CSMD1: variants seen among roughly 807,000 people sequenced by gnomAD.
CSMD1 encodes the protein CUB and sushi domain-containing protein 1.
A neutral mutation model predicts 417.5 loss-of-function variants in CSMD1; 213 were observed. The ratio of observed to expected loss-of-function variants is 0.51; its 90% CI spans 0.46 to 0.57. CSMD1 has a LOEUF of 0.57. Among genes scored for constraint, CSMD1 ranks in the 20% least tolerant of loss-of-function variants. The pLI, the probability that CSMD1 is intolerant of heterozygous loss-of-function variation, is 0.00. For synonymous variants in CSMD1, 2,862 were observed against 1,736.8 expected (o/e 1.65, Z -16.11); for missense variants, 6,923 against 4,529.7 (o/e 1.53, Z -15.17).
chr8:4,137,215 C>T (rs1457348274), intron 3 of CSMD1, among the ~76,000 whole-genome samples: 2 of 152,144 alleles, frequency 1.3e-5, no homozygotes, highest in African/African-American at 2.4e-5. Flanking sequence ...AAACAGTTGC[C>T]TTTAATTAAT....
At chr8:3,662,645 T>C (rs1408737264) in intron 7 of CSMD1, among the ~76,000 whole-genome samples, 1 of 152,182 alleles carries the variant, frequency 6.6e-6, no homozygotes, top group Admixed American at 6.5e-5. Context: ...GAATACACCA[T>C]TTTTTATGCA....
In CSMD1 at chr8:3,168,374, G is replaced by A. The variant is rs371491274; in HGVS notation, c.5726-6097C>T. ...TGAAAATTCCTCTTTTTCTAGATGCGCACAGGTATGGCACACCCTAACACA... is the reference window on the plus strand; with the variant it reads ...TGAAAATTCCTCTTTTTCTAGATGCACACAGGTATGGCACACCCTAACACA... On this transcript the variant is annotated intron_variant, in intron 37 of 69. Coordinates refer to ENST00000635120, the MANE Select transcript of CSMD1 (RefSeq NM_033225.6). Among the ~76,000 whole-genome samples the A allele has an allele frequency of 1.5e-4, 23 of 152,032 alleles. 1 individual carries two copies. Among genetic ancestry groups the A allele is most frequent in the African/African-American group, 3.6e-4 (15 of 41,372 alleles).
chr8:3,744,201 C>A (rs890785152), intron 6 of CSMD1, among the ~76,000 whole-genome samples: 2 of 152,104 alleles, frequency 1.3e-5, no homozygotes, highest in Non-Finnish European at 2.9e-5. Context: ...GAGTTGAGGA[C>A]AGGGATGACG....
intron 3 of CSMD1, among the ~76,000 whole-genome samples, chr8:4,044,411 T>G (rs574528680): frequency 2.6e-5 from 4 of 152,138 alleles, no homozygotes; most frequent in Non-Finnish European, 5.9e-5. Context: ...CTACTTTGTG[T>G]CATTCCAAGC....
At chr8:4,321,670 T>G (rs1021748432) in intron 3 of CSMD1, among the ~76,000 whole-genome samples, 7 of 152,210 alleles carry the variant, frequency 4.6e-5, no homozygotes, top group Admixed American at 1.3e-4. Flanking sequence ...AAAAGAGCTG[T>G]TCAACATTCC....
chr8:3,888,622 C>T (rs193302700), intron 5 of CSMD1, among the ~76,000 whole-genome samples: 1 of 152,080 alleles, frequency 6.6e-6, no homozygotes, highest in Non-Finnish European at 1.5e-5. Flanking sequence ...CTTTGTCATA[C>T]AAGCAAGGTC....
rs143547372 is a variant in CSMD1 at position 2,990,798 on chromosome 8, C to T, written c.8377+7213G>A. 2.0e-3 allele frequency among the ~76,000 whole-genome samples: 311 copies of T among 152,270 alleles called. 1 individual carries two copies. The highest frequency in any genetic ancestry group is 7.2e-3 in the African/African-American group (301 of 41,544). The stretch of plus-strand genomic sequence containing the variant: ...CCCCATGTATTTGTTCAGAAGTATT[C>T]ACCTACAGCACATGGGCCCAGAGCT... On this transcript the variant is annotated intron_variant, in intron 54 of 69. Coordinates refer to ENST00000635120, the MANE Select transcript of CSMD1 (RefSeq NM_033225.6).
intron 2 of CSMD1, among the ~76,000 whole-genome samples, chr8:4,562,582 T>A (rs1798394685): frequency 6.6e-6 from 1 of 152,268 alleles, no homozygotes; most frequent in Non-Finnish European, 1.5e-5. Context: ...ATATCCTGAC[T>A]ACTGAAATAA....
At chr8:4,927,797 G>T (rs1806971803) in intron 1 of CSMD1, among the ~76,000 whole-genome samples, 1 of 152,050 alleles carries the variant, frequency 6.6e-6, no homozygotes, top group Non-Finnish European at 1.5e-5. Context: ...ATTCCAACTT[G>T]GCTCCTCTCC....
intron 3 of CSMD1, among the ~76,000 whole-genome samples, chr8:4,038,231 A>G (rs945909926): frequency 1.3e-5 from 2 of 152,166 alleles, no homozygotes; most frequent in African/African-American, 2.4e-5. Flanking sequence ...AAAAATTTTA[A>G]TGGGAACAAT....
chr8:3,731,758 A>G (rs564676434), intron 6 of CSMD1, among the ~76,000 whole-genome samples: 9 of 152,326 alleles, frequency 5.9e-5, no homozygotes, highest in African/African-American at 2.2e-4. Flanking sequence ...GATGAGCAAT[A>G]CCAATATTAA....
At chr8:4,340,095 G>T (rs1353586993) in intron 3 of CSMD1, among the ~76,000 whole-genome samples, 1 of 152,050 alleles carries the variant, frequency 6.6e-6, no homozygotes, top group Non-Finnish European at 1.5e-5. Context: ...AGAGAAATTA[G>T]AGTTAACCTT....
intron 2 of CSMD1, among the ~76,000 whole-genome samples, chr8:4,584,191 G>C (rs1172344314): frequency 9.9e-5 from 15 of 151,964 alleles, no homozygotes; most frequent in Admixed American, 9.8e-4. Flanking sequence ...GACGGTCCGT[G>C]GCATCATTCT....
chr8:4,154,789 T>C (rs555895453), intron 3 of CSMD1, among the ~76,000 whole-genome samples: 1 of 152,042 alleles, frequency 6.6e-6, no homozygotes, highest in South Asian at 2.1e-4. Flanking sequence ...ACAGAGAAAA[T>C]AAGAGAAAGA....
At chr8:4,624,041 T>C (rs1024110522) in intron 2 of CSMD1, among the ~76,000 whole-genome samples, 1 of 152,178 alleles carries the variant, frequency 6.6e-6, no homozygotes, top group Non-Finnish European at 1.5e-5. Flanking sequence ...TTCATCAAGC[T>C]AGTATTCAAA....
chr8:4,362,040 G>A (rs12677798), intron 3 of CSMD1, among the ~76,000 whole-genome samples: 56,070 of 151,914 alleles, frequency 0.37, 11,884 homozygotes, highest in East Asian at 0.51. Flanking sequence ...ATTAGAGGTA[G>A]GATACATAAG....
chr8:3,077,331 T>G (rs185187469), intron 49 of CSMD1, among the ~76,000 whole-genome samples: 120 of 152,208 alleles, frequency 7.9e-4, no homozygotes, highest in African/African-American at 2.7e-3. Context: ...GCAGACTGCC[T>G]GGGGACTGAG....
chr8:3,991,942 A>G (rs1347019340), intron 5 of CSMD1, among the ~76,000 whole-genome samples: 1 of 152,088 alleles, frequency 6.6e-6, no homozygotes, highest in Non-Finnish European at 1.5e-5. Context: ...CTTGTTATAT[A>G]ACAAACACTC....
chr8:4,761,890 CCTACCTATCTAT>C lies in CSMD1; in HGVS notation c.86-124344_86-124333del, dbSNP rs1190903653. On this transcript the variant is annotated intron_variant, in intron 1 of 69. Transcript: ENST00000635120. ...ATCTATCTATCTATCTATCTATCTA[CCTACCTATCTAT>C]CTATCTATCAATCTATCTATCTATC... 8.6e-3 allele frequency among the ~76,000 whole-genome samples: 801 copies of C among 93,612 alleles called. 4 individuals are homozygous for C. Among genetic ancestry groups the C allele is most frequent in the African/African-American group, 0.017 (429 of 25,986 alleles). The allele number at this position is 93,612 out of a possible 152,430, so 61.4% of individuals were successfully genotyped here.
Sources: allele counts gnomAD v4.1 joint callset (sites outside exome capture counted in the v4.1 genomes callset), GRCh38; gene constraint gnomAD v4.1.1; transcripts MANE v1.5; gene names NCBI Gene and HGNC (gene_info 2026-07-23, HGNC 2026-07-21).